Variants in FAM81B observed in about 807,000 individuals in gnomAD.
FAM81B encodes the protein family with sequence similarity 81 member B.
Under a neutral mutation model 58.7 loss-of-function variants are expected in FAM81B, and 60 were observed. The ratio of observed to expected loss-of-function variants is 1.02; its 90% CI spans 0.83 to 1.27. The LOEUF (loss-of-function observed/expected upper bound fraction) is 1.27. FAM81B is among the 50% of genes most tolerant of loss of function. FAM81B has a pLI of 0.00. For synonymous variants in FAM81B, 189 were observed against 179.6 expected, an observed-to-expected ratio of 1.05 and a Z score of -0.42; for missense variants, 491 against 522.0, an observed-to-expected ratio of 0.94 and a Z score of 0.58.
intron 5 of FAM81B, among the ~76,000 whole-genome samples, chr5:95,423,455 T>C (rs1762739198): frequency 1.3e-5 from 2 of 149,520 alleles, no homozygotes; most frequent in Admixed American, 1.4e-4. Context: ...CCCCTAGGGA[T>C]GGATATGACT....
chr5:95,434,290 T>G (rs962529122), intron 6 of FAM81B, among the ~76,000 whole-genome samples: 1 of 152,144 alleles, frequency 6.6e-6, no homozygotes, highest in Non-Finnish European at 1.5e-5. Context: ...GCAGTTGTAG[T>G]CCTGAGGTCC....
chr5:95,397,191 A>G (rs982689888), intron 3 of FAM81B: 2 of 152,232 alleles, frequency 1.3e-5, no homozygotes, highest in African/African-American at 4.8e-5. Context: ...GTTCAATCAC[A>G]GTATGTTAGC....
chr5:95,419,465 G>A (rs757297474), intron 4 of FAM81B, among the ~76,000 whole-genome samples: 7 of 152,006 alleles, frequency 4.6e-5, no homozygotes, highest in Non-Finnish European at 5.9e-5. Flanking sequence ...CTCTACATTG[G>A]AATTTATTTG....
At chr5:95,414,363 G>A (rs1441244841) in intron 4 of FAM81B, among the ~76,000 whole-genome samples, 173 bp downstream of exon 4, 2 of 152,048 alleles carry the variant, frequency 1.3e-5, no homozygotes. Context: ...TTTTTCAGCT[G>A]TTCATTTATG....
At chr5:95,412,579 T>C (rs762441643) in intron 3 of FAM81B, among the ~76,000 whole-genome samples, 1 of 152,198 alleles carries the variant, frequency 6.6e-6, no homozygotes, top group African/African-American at 2.4e-5. Context: ...TTTCACCATA[T>C]GCATTGGGCT....
chr5:95,405,055 G>A (rs1039456849), intron 3 of FAM81B, among the ~76,000 whole-genome samples: 3 of 152,178 alleles, frequency 2.0e-5, no homozygotes, highest in African/African-American at 4.8e-5. Flanking sequence ...GCTGCTGTAT[G>A]GAGGATGTGC....
chr5:95,391,611 G>C, intron 1 of FAM81B, 98 bp downstream of exon 1: 1 of 1,356,598 alleles, frequency 7.4e-7, no homozygotes, highest in Non-Finnish European at 1.0e-6. Context: ...TCCCAATGAA[G>C]ACCCTCAGAA....
At chr5:95,416,423 C>A (rs1464313130) in intron 4 of FAM81B, among the ~76,000 whole-genome samples, 1 of 152,078 alleles carries the variant, frequency 6.6e-6, no homozygotes, top group African/African-American at 2.4e-5. Flanking sequence ...CAGTTGATTA[C>A]AAGTTTTAGA....
chr5:95,450,406 T>G lies in FAM81B; in HGVS notation c.*124T>G. The stretch of plus-strand genomic sequence containing the variant: ...TAATGTCTCCTTTTAAGGAGACGAA[T>G]GTACCAGAAAAATAATAAAGCAAAG... On this transcript the variant is annotated 3_prime_UTR_variant, in exon 10 of 10. Coordinates refer to ENST00000283357, the MANE Select transcript of FAM81B (RefSeq NM_152548.3). The G allele has an allele frequency of 6.8e-7, 1 of 1,463,024 alleles. No homozygotes were observed. 90.6% of individuals were successfully genotyped at this position (1,463,024 alleles called of 1,614,324 possible).
chr5:95,440,202 G>T (rs1382647360), intron 7 of FAM81B: 1 of 635,088 alleles, frequency 1.6e-6, no homozygotes, highest in Non-Finnish European at 3.1e-6. Flanking sequence ...TCAACAAGAA[G>T]CTATTGACTG....
At chr5:95,416,472 G>A (rs1419173557) in intron 4 of FAM81B, among the ~76,000 whole-genome samples, 2 of 152,022 alleles carry the variant, frequency 1.3e-5, no homozygotes, top group Non-Finnish European at 2.9e-5. Context: ...TTTATATATA[G>A]CATTGTTTTA....
At chr5:95,407,988 T>C (rs1049216209) in intron 3 of FAM81B, among the ~76,000 whole-genome samples, 1 of 151,988 alleles carries the variant, frequency 6.6e-6, no homozygotes, top group Non-Finnish European at 1.5e-5. Flanking sequence ...CCCAGACTCT[T>C]GCTGGCTGTT....
Position 95,436,788 on chromosome 5 carries a change from T to C in FAM81B, c.787-12T>C. ...TTGTTCATATGCACAAACCCTCTCG[T>C]ACTTTGACTAGGTGATGCAGCTCTT... On this transcript the variant is annotated splice_polypyrimidine_tract_variant and intron_variant, in intron 6 of 9. Transcript: ENST00000283357. The C allele has an allele frequency of 6.3e-7, 1 of 1,574,890 alleles. No individual in the cohort carries two copies. The highest frequency in any genetic ancestry group is 1.3e-5 in the African/African-American group (1 of 74,188).
chr5:95,398,735 T>G (rs1035587484), intron 3 of FAM81B, among the ~76,000 whole-genome samples: 9 of 152,222 alleles, frequency 5.9e-5, no homozygotes, highest in Non-Finnish European at 2.9e-5. Flanking sequence ...AATTATTAGA[T>G]AGCTGGCCGG....
At chr5:95,430,436 T>TAA (rs139495883) in intron 6 of FAM81B, among the ~76,000 whole-genome samples, 1 of 145,614 alleles carries the variant, frequency 6.9e-6, no homozygotes. Context: ...GCTATGCTTT[T>TAA]AAAAAAAAAA....
intron 1 of FAM81B, 42 bp downstream of exon 1, chr5:95,391,555 C>T: frequency 6.4e-7 from 1 of 1,564,228 alleles, no homozygotes; most frequent in South Asian, 1.2e-5. Context: ...TCTCCTACTT[C>T]ACTATCTTTC....
chr5:95,397,563 T>C (rs1430076650), intron 3 of FAM81B, among the ~76,000 whole-genome samples: 2 of 152,200 alleles, frequency 1.3e-5, no homozygotes, highest in Non-Finnish European at 2.9e-5. Context: ...TCCCAGGAGA[T>C]GAGAAAATAA....
At chr5:95,410,345 G>A (rs1042050566) in intron 3 of FAM81B, among the ~76,000 whole-genome samples, 1 of 152,056 alleles carries the variant, frequency 6.6e-6, no homozygotes, top group African/African-American at 2.4e-5. Context: ...TGTTACTTGA[G>A]CCAAACAAAC....
intron 7 of FAM81B, among the ~76,000 whole-genome samples, chr5:95,438,312 T>C (rs1347096005): frequency 6.6e-6 from 1 of 152,122 alleles, no homozygotes; most frequent in East Asian, 1.9e-4. Context: ...AAGAAAACTG[T>C]CCAAAGGAAA....
Sources: allele counts gnomAD v4.1 joint callset (sites outside exome capture counted in the v4.1 genomes callset), GRCh38; gene constraint gnomAD v4.1.1; transcripts MANE v1.5; gene names NCBI Gene and HGNC (gene_info 2026-07-23, HGNC 2026-07-21).